KCNQ1: variants seen among roughly 807,000 people sequenced by gnomAD.
KCNQ1 encodes potassium voltage-gated channel subfamily KQT member 1.
A neutral mutation model predicts 72.4 loss-of-function variants in KCNQ1; 49 were observed. The observed-to-expected ratio is 0.68, with a 90% CI of 0.54 to 0.86. The LOEUF (loss-of-function observed/expected upper bound fraction) is 0.86, where lower values mean the gene tolerates loss of function less well. Ranked by LOEUF, KCNQ1 falls within the 40% of genes least tolerant of loss-of-function variation. The pLI is 0.00. For missense variants in KCNQ1, 790 were observed against 945.1 expected (o/e 0.84, Z 2.15); for synonymous variants, 450 against 412.6 (o/e 1.09, Z -1.10).
At chr11:2,570,284 C>T (rs12796944) in intron 2 of KCNQ1, among the ~76,000 whole-genome samples, 8 of 107,884 alleles carry the variant, frequency 7.4e-5, no homozygotes, top group East Asian at 5.3e-4. Flanking sequence ...GGGTTCCTGG[C>T]GTCGGACGCC....
intron 2 of KCNQ1, among the ~76,000 whole-genome samples, chr11:2,555,950 C>T (rs1394704445): frequency 1.3e-5 from 2 of 152,206 alleles, no homozygotes; most frequent in Non-Finnish European, 2.9e-5. Flanking sequence ...TCTCTAGAGA[C>T]CCTAGAACAG....
At chr11:2,560,561 C>T (rs1396423194) in intron 2 of KCNQ1, among the ~76,000 whole-genome samples, 1 of 138,268 alleles carries the variant, frequency 7.2e-6, no homozygotes, top group Non-Finnish European at 1.6e-5. Flanking sequence ...GACGTCCATC[C>T]TGGGGGAGAC....
intron 1 of KCNQ1, among the ~76,000 whole-genome samples, chr11:2,480,586 A>G (rs1846636508): frequency 6.6e-6 from 1 of 152,186 alleles, no homozygotes; most frequent in Non-Finnish European, 1.5e-5. Context: ...ACACATGGGA[A>G]TTATGGGAGC....
At position 2,816,357 on chromosome 11, in the gene KCNQ1, T is replaced by C. The variant is rs991682748; in HGVS notation, c.1795-31410T>C. On this transcript the variant is annotated intron_variant, in intron 15 of 15. Coordinates refer to ENST00000155840, the MANE Select transcript of KCNQ1 (RefSeq NM_000218.3). This position sits in a 1 kb window ranked among gnomAD's most constrained non-coding sequence, Gnocchi z 6.8. ...GGGCCTCCAGCGCCGTGGGGGAGAA[T>C]TTCAAGAGCCTTTTGTGAAAATGGT... 3.9e-5 allele frequency among the ~76,000 whole-genome samples: 6 copies of C among 152,070 alleles called. No individual in the cohort carries two copies. Among genetic ancestry groups the C allele is most frequent in the Admixed American group, 2.6e-4 (4 of 15,274 alleles).
chr11:2,660,477 G>T, intron 10 of KCNQ1: 1 of 398,580 alleles, frequency 2.5e-6, no homozygotes, highest in South Asian at 1.3e-4. Flanking sequence ...AAAACAGACT[G>T]GGGAAGCTAT....
At chr11:2,823,579 CCAGCCCAGG>C (rs957749798) in intron 15 of KCNQ1, among the ~76,000 whole-genome samples, 7 of 152,206 alleles carry the variant, frequency 4.6e-5, no homozygotes, top group African/African-American at 1.4e-4. Context: ...CTACAGGCCT[CCAGCCCAGG>C]CAGCCCAGGC....
At chr11:2,581,934 G>A (rs1848504918) in intron 6 of KCNQ1, among the ~76,000 whole-genome samples, 1 of 152,236 alleles carries the variant, frequency 6.6e-6, no homozygotes, top group Admixed American at 6.5e-5. Flanking sequence ...AGAGCTCCGT[G>A]TGCAGCTGTG....
In KCNQ1 at chr11:2,661,891, A is replaced by G; in HGVS notation, c.1394-70A>G. The stretch of plus-strand genomic sequence containing the variant: ...TCCTCACCTGGCCCTGGGAGCTCAC[A>G]GGCCTGGCTCCACAGCACTGGCAGG... On this transcript the variant is annotated intron_variant, in intron 10 of 15. Coordinates refer to ENST00000155840, the MANE Select transcript of KCNQ1 (RefSeq NM_000218.3). This position sits in a 1 kb window ranked among gnomAD's most constrained non-coding sequence, Gnocchi z 5.9. The G allele has an allele frequency of 6.2e-7, 1 of 1,600,868 alleles. No homozygotes were observed. The highest frequency in any genetic ancestry group is 8.6e-7 in the Non-Finnish European group (1 of 1,168,838).
chr11:2,613,903 A>C lies in KCNQ1; in HGVS notation c.1393+25049A>C. On this transcript the variant is annotated intron_variant, in intron 10 of 15. Coordinates refer to ENST00000155840, the MANE Select transcript of KCNQ1 (RefSeq NM_000218.3). This position sits in a 1 kb window ranked among gnomAD's most constrained non-coding sequence, Gnocchi z 4.8. ...ATGATTATTTTCTCATTTCCCAAAA[A>C]AGTACTATTCTGTATATGCCCTTTT... The C allele has an allele frequency of 2.5e-6, 1 of 398,550 alleles. No homozygotes were observed. Among genetic ancestry groups the C allele is most frequent in the South Asian group, 1.3e-4 (1 of 7,864 alleles). 24.7% of individuals were successfully genotyped at this position (398,550 alleles called of 1,614,324 possible).
chr11:2,614,806 G>C (rs556543283), intron 10 of KCNQ1: 1 of 398,410 alleles, frequency 2.5e-6, no homozygotes, highest in South Asian at 1.3e-4. Flanking sequence ...CTTTGTAAAA[G>C]TTTTGAAAAT....
intron 13 of KCNQ1, 146 bp from the exon 14 acceptor site, chr11:2,776,840 C>A: frequency 2.6e-6 from 2 of 781,034 alleles, no homozygotes; most frequent in Non-Finnish European, 4.5e-6. Context: ...AGTGACCTGG[C>A]AGGCCTTAGG....
Position 2,621,769 on chromosome 11 carries a change from T to C in KCNQ1, c.1393+32915T>C, listed in dbSNP as rs1228270364. 2.5e-6 allele frequency: 1 copy of C among 398,278 alleles called. No homozygotes were observed. The highest frequency in any genetic ancestry group is 3.6e-5 in the East Asian group (1 of 28,012). The allele number at this position is 398,278 out of a possible 1,614,324, so 24.7% of individuals were successfully genotyped here. On this transcript the variant is annotated intron_variant, in intron 10 of 15. Coordinates refer to ENST00000155840, the MANE Select transcript of KCNQ1 (RefSeq NM_000218.3). This position sits in a 1 kb window ranked among gnomAD's most constrained non-coding sequence, Gnocchi z 5.7. ...TTTCTGATTTTGTCCTCTTTCTTAG[T>C]CCAAGAGTTTGTTGATTTTATTTTT...
At chr11:2,575,502 C>T (rs1326817991) in intron 6 of KCNQ1, among the ~76,000 whole-genome samples, 16 of 152,188 alleles carry the variant, frequency 1.1e-4, no homozygotes, top group Admixed American at 7.8e-4. Context: ...ACTTGAGAAA[C>T]GCAAGAAGGG....
intron 1 of KCNQ1, among the ~76,000 whole-genome samples, chr11:2,511,411 C>T (rs1002311768): frequency 2.6e-5 from 4 of 152,152 alleles, no homozygotes; most frequent in African/African-American, 7.2e-5. Context: ...CTCGTCAGGC[C>T]CAGCAGCCCT....
At position 2,817,746 on chromosome 11, in the gene KCNQ1, C is replaced by T. The variant is rs78384527; in HGVS notation, c.1795-30021C>T. On this transcript the variant is annotated intron_variant, in intron 15 of 15. Coordinates refer to ENST00000155840, the MANE Select transcript of KCNQ1 (RefSeq NM_000218.3). This position sits in a 1 kb window ranked among gnomAD's most constrained non-coding sequence, Gnocchi z 6.1. ...CACTTACGACCCACCTCCTCTCCTC[C>T]ATGGCAAAGGTGATACATTAGACTC... 6.2e-4 allele frequency among the ~76,000 whole-genome samples: 95 copies of T among 152,256 alleles called. No homozygotes were observed. In the East Asian group the frequency reaches 0.015, roughly 24 times the overall value.
At chr11:2,791,705 G>A (rs1847026898) in intron 15 of KCNQ1, among the ~76,000 whole-genome samples, 1 of 151,954 alleles carries the variant, frequency 6.6e-6, no homozygotes, top group Non-Finnish European at 1.5e-5. Context: ...GCGGGTGGGG[G>A]TGGGGGGCCC....
chr11:2,667,178 A>G, intron 11 of KCNQ1: 1 of 398,694 alleles, frequency 2.5e-6, no homozygotes, highest in Non-Finnish European at 4.4e-6. Context: ...CCAGCCTGCC[A>G]TCAGCCCAGC....
chr11:2,631,841 G>A (rs1849357924), intron 10 of KCNQ1: 1 of 398,532 alleles, frequency 2.5e-6, no homozygotes, highest in Non-Finnish European at 4.4e-6. Flanking sequence ...TGTAAATAGA[G>A]TTGTGTTAAT....
intron 10 of KCNQ1, chr11:2,616,924 C>T: frequency 2.5e-6 from 1 of 394,610 alleles, no homozygotes; most frequent in South Asian, 1.3e-4. Flanking sequence ...CCTCTCTTTT[C>T]TTATTGGGCT....
Sources: gnomAD v4.1 joint callset for allele counts (sites outside exome capture counted in the v4.1 genomes callset) on GRCh38, gnomAD v4.1.1 for gene constraint, Gnocchi (gnomAD v3.1) non-coding constraint, MANE v1.5 for transcripts, NCBI Gene and HGNC (gene_info 2026-07-23, HGNC 2026-07-21) for gene names.